The following RASAL2 variants were observed in gnomAD, a reference collection of about 807,000 sequenced individuals.
RASAL2 encodes RAS protein activator like 2.
In RASAL2, 58 loss-of-function variants were observed where a neutral mutation model predicts 128.9. The ratio of observed to expected loss-of-function variants is 0.45; its 90% CI spans 0.36 to 0.56. The LOEUF (loss-of-function observed/expected upper bound fraction) is 0.56, where lower values mean the gene tolerates loss of function less well. Among genes scored for constraint, RASAL2 ranks in the 20% least tolerant of loss-of-function variants. RASAL2 has a pLI of 0.00. For synonymous variants in RASAL2, 561 were observed against 580.8 expected, an observed-to-expected ratio of 0.97 and a Z score of 0.49; for missense variants, 1,360 against 1,601.6, an observed-to-expected ratio of 0.85 and a Z score of 2.57.
chr1:178,175,204 A>T (rs2101918052), intron 1 of RASAL2, among the ~76,000 whole-genome samples: 1 of 152,198 alleles, frequency 6.6e-6, no homozygotes, highest in Admixed American at 6.5e-5. Context: ...CCTTATAGTT[A>T]AGTTATGGGA....
chr1:178,130,758 C>T (rs1042516179), intron 1 of RASAL2, among the ~76,000 whole-genome samples: 1 of 152,144 alleles, frequency 6.6e-6, no homozygotes, highest in Admixed American at 6.5e-5. Flanking sequence ...CTTTTCCTGT[C>T]ATATATTCCT....
intron 12 of RASAL2, chr1:178,456,441 T>G: frequency 2.0e-6 from 1 of 503,778 alleles, no homozygotes; most frequent in South Asian, 2.4e-5. Flanking sequence ...TTTGGTAGTT[T>G]TGAGCATGTC....
intron 1 of RASAL2, among the ~76,000 whole-genome samples, chr1:178,137,299 A>G (rs1660359628): frequency 2.0e-5 from 3 of 152,190 alleles, no homozygotes; most frequent in Admixed American, 2.0e-4. Flanking sequence ...AAATAACTGC[A>G]GGGTCTGAGA....
intron 1 of RASAL2, among the ~76,000 whole-genome samples, chr1:178,279,573 G>T (rs756690831): frequency 6.6e-6 from 1 of 151,946 alleles, no homozygotes; most frequent in African/African-American, 2.4e-5. Flanking sequence ...CATGTGGTCT[G>T]TGGAATGCTA....
At chr1:178,192,057 G>A (rs1662513829) in intron 1 of RASAL2, among the ~76,000 whole-genome samples, 1 of 152,066 alleles carries the variant, frequency 6.6e-6, no homozygotes, top group African/African-American at 2.4e-5. Context: ...GGAGCATATG[G>A]ACCTAAATAA....
At chr1:178,279,569 G>T (rs1173391380) in intron 1 of RASAL2, among the ~76,000 whole-genome samples, 1 of 151,936 alleles carries the variant, frequency 6.6e-6, no homozygotes, top group African/African-American at 2.4e-5. Flanking sequence ...TTAGCATGTG[G>T]TCTGTGGAAT....
chr1:178,218,102 G>C (rs911497139), intron 1 of RASAL2, among the ~76,000 whole-genome samples: 8 of 151,866 alleles, frequency 5.3e-5, no homozygotes, highest in Non-Finnish European at 8.8e-5. Context: ...ACATCTTCAG[G>C]CTCCACTCCT....
chr1:178,136,114 A>C (rs755576329), intron 1 of RASAL2, among the ~76,000 whole-genome samples: 6 of 152,238 alleles, frequency 3.9e-5, no homozygotes, highest in Non-Finnish European at 5.9e-5. Context: ...ATATAAAAGA[A>C]ATAAAGATAG....
intron 1 of RASAL2, among the ~76,000 whole-genome samples, chr1:178,245,849 G>T (rs1301095468): frequency 1.3e-5 from 2 of 151,996 alleles, no homozygotes; most frequent in Non-Finnish European, 2.9e-5. Flanking sequence ...GCTTTTTTTG[G>T]TCAGGTTTGT....
chr1:178,278,710 T>A (rs1368161024), intron 1 of RASAL2, among the ~76,000 whole-genome samples: 1 of 152,190 alleles, frequency 6.6e-6, no homozygotes, highest in African/African-American at 2.4e-5. Context: ...CTGCTTTCTA[T>A]CAGATCCCTT....
chr1:178,109,301 T>A (rs1040994466), intron 1 of RASAL2, among the ~76,000 whole-genome samples: 7 of 152,156 alleles, frequency 4.6e-5, no homozygotes, highest in Non-Finnish European at 1.0e-4. Context: ...AGGGTCTTAC[T>A]GTTTTGCCCA....
intron 14 of RASAL2, 95 bp downstream of exon 14, chr1:178,458,639 A>G: frequency 6.8e-7 from 1 of 1,463,558 alleles, no homozygotes; most frequent in Non-Finnish European, 9.1e-7. Flanking sequence ...TATTGTTAAC[A>G]AGATTTCCTC....
chr1:178,408,370 A>G (rs1359945363), intron 4 of RASAL2, among the ~76,000 whole-genome samples: 2 of 152,216 alleles, frequency 1.3e-5, no homozygotes, highest in African/African-American at 4.8e-5. Flanking sequence ...TGAAAGAGAA[A>G]AAAGCATTTT....
At chr1:178,150,034 G>T (rs1490511297) in intron 1 of RASAL2, among the ~76,000 whole-genome samples, 1 of 152,102 alleles carries the variant, frequency 6.6e-6, no homozygotes, top group Non-Finnish European at 1.5e-5. Flanking sequence ...CCTATTTTAG[G>T]AGAGTTAGAA....
At chr1:178,287,755 C>T (rs1312827870) in intron 2 of RASAL2, among the ~76,000 whole-genome samples, 2 of 152,108 alleles carry the variant, frequency 1.3e-5, no homozygotes, top group Non-Finnish European at 1.5e-5. Context: ...AGTATGTCCT[C>T]ACTCATAAGT....
intron 1 of RASAL2, among the ~76,000 whole-genome samples, chr1:178,174,590 A>G (rs1194980584): frequency 1.3e-5 from 2 of 152,152 alleles, no homozygotes; most frequent in South Asian, 2.1e-4. Context: ...CATAGGTTAG[A>G]TGAAGTTTAA....
intron 1 of RASAL2, among the ~76,000 whole-genome samples, chr1:178,112,883 C>T (rs964737765): frequency 2.6e-5 from 4 of 151,464 alleles, no homozygotes; most frequent in Admixed American, 2.0e-4. Flanking sequence ...ACAATGTGCA[C>T]ATGTACCCTA....
intron 1 of RASAL2, among the ~76,000 whole-genome samples, chr1:178,282,603 T>C (rs1666836352): frequency 6.6e-6 from 1 of 152,208 alleles, no homozygotes; most frequent in African/African-American, 2.4e-5. Context: ...TACTTTTTTA[T>C]GATTTACAAC....
intron 1 of RASAL2, among the ~76,000 whole-genome samples, chr1:178,134,457 CAAA>C (rs59410623): frequency 0.63 from 69,598 of 110,920 alleles, 21,667 homozygotes; most frequent in East Asian, 0.74. Context: ...GACCCTATCT[CAAA>C]AAAAAAAAAA....
Sources: allele counts gnomAD v4.1 joint callset (sites outside exome capture counted in the v4.1 genomes callset), GRCh38; gene constraint gnomAD v4.1.1; transcripts MANE v1.5; gene names NCBI Gene and HGNC (gene_info 2026-07-23, HGNC 2026-07-21).